KIF1B: variants seen among roughly 807,000 people sequenced by gnomAD.
KIF1B encodes the protein kinesin family member 1B.
A neutral mutation model predicts 241.9 loss-of-function variants in KIF1B; 76 were observed. That is an observed-to-expected ratio of 0.31 (90% CI 0.26 to 0.38). The LOEUF is 0.38. Ranked by LOEUF, KIF1B falls within the 10% of genes least tolerant of loss-of-function variation. KIF1B has a pLI of 1.00. For missense variants in KIF1B, 1,622 were observed against 2,271.4 expected (o/e 0.71, Z 5.81); for synonymous variants, 750 against 796.7 (o/e 0.94, Z 0.99).
intron 32 of KIF1B, 63 bp downstream of exon 32, chr1:10,339,922 G>C (rs1341214310): frequency 7.4e-7 from 1 of 1,348,418 alleles, no homozygotes; most frequent in African/African-American, 1.4e-5. Flanking sequence ...TTCTCAGCCC[G>C]GGAAGGGTGA....
intron 10 of KIF1B, among the ~76,000 whole-genome samples, chr1:10,274,096 C>A (rs1185522379): frequency 6.6e-6 from 1 of 151,864 alleles, no homozygotes; most frequent in Non-Finnish European, 1.5e-5. Context: ...GCCACCACCC[C>A]CGGCTAATTT....
chr1:10,318,064 T>TA (rs1157022178), intron 22 of KIF1B, among the ~76,000 whole-genome samples: 1 of 151,192 alleles, frequency 6.6e-6, no homozygotes, highest in East Asian at 1.9e-4. Context: ...CCAAGCCTCT[T>TA]ACCAGTTTAA....
At chr1:10,239,486 C>T (rs567149119) in intron 2 of KIF1B, among the ~76,000 whole-genome samples, 3 of 152,014 alleles carry the variant, frequency 2.0e-5, no homozygotes, top group Admixed American at 6.5e-5. Flanking sequence ...GGGTATATTA[C>T]AACTAGTTTT....
chr1:10,228,920 T>C (rs559105957), intron 1 of KIF1B, among the ~76,000 whole-genome samples: 1 of 152,326 alleles, frequency 6.6e-6, no homozygotes, highest in East Asian at 1.9e-4. Context: ...CCAACATTTA[T>C]GGTATCGGGG....
At chr1:10,281,033 T>G (rs1378080920) in intron 14 of KIF1B, among the ~76,000 whole-genome samples, 1 of 152,184 alleles carries the variant, frequency 6.6e-6, no homozygotes. Context: ...AAAAGATGCC[T>G]CTTTGCTTGT....
chr1:10,342,670 TG>T (rs763366734), intron 33 of KIF1B, among the ~76,000 whole-genome samples: 3 of 152,228 alleles, frequency 2.0e-5, no homozygotes, highest in Non-Finnish European at 2.9e-5. Flanking sequence ...CTCTATTATC[TG>T]GTATTATGCC....
At chr1:10,272,491 A>G in intron 9 of KIF1B, 185 bp downstream of exon 9, 1 of 674,562 alleles carries the variant, frequency 1.5e-6, no homozygotes, top group Non-Finnish European at 2.7e-6. Context: ...CTGAAAGTAA[A>G]AGATACTAAG....
chr1:10,313,841 T>C lies in KIF1B; in HGVS notation c.2116-6202T>C, dbSNP rs977782414. 1.1e-4 allele frequency among the ~76,000 whole-genome samples: 17 copies of C among 150,186 alleles called. 1 individual carries two copies. The highest frequency in any genetic ancestry group is 2.1e-4 in the Non-Finnish European group (14 of 67,720). On this transcript the variant is annotated intron_variant, in intron 22 of 48. Coordinates refer to ENST00000676179, the MANE Select transcript of KIF1B (RefSeq NM_001365951.3). ...TTGAGATTACAGGCGTGAGCCACCG[T>C]GCTTGGCCATTAGGATTTCTTATAA...
chr1:10,258,410 C>T, intron 3 of KIF1B, 83 bp from the exon 4 acceptor site: 1 of 1,407,816 alleles, frequency 7.1e-7, no homozygotes, highest in East Asian at 2.4e-5. Context: ...TGATTCCAGA[C>T]ACTTTTATTA....
At chr1:10,304,668 G>C (rs1249170172) in intron 22 of KIF1B, 5 of 1,613,020 alleles carry the variant, frequency 3.1e-6, no homozygotes, top group Non-Finnish European at 4.2e-6. Flanking sequence ...GGACAAACTT[G>C]AAATCATGGT....
At chr1:10,316,318 C>G (rs1381078379) in intron 22 of KIF1B, among the ~76,000 whole-genome samples, 1 of 151,482 alleles carries the variant, frequency 6.6e-6, no homozygotes, top group Non-Finnish European at 1.5e-5. Context: ...GTCAGTTTGT[C>G]CTATTATCAA....
At chr1:10,348,803 T>A in intron 37 of KIF1B, 70 bp downstream of exon 37, 1 of 1,096,824 alleles carries the variant, frequency 9.1e-7, no homozygotes, top group Non-Finnish European at 1.4e-6. Context: ...TGAGATAGGG[T>A]CTTGCTCTGT....
Position 10,321,738 on chromosome 1 carries a change from G to T in KIF1B, c.2239G>T (p.Ala747Ser). ...VPWTQHEFEL[A>S]QWAFRKWKSH... Reference sequence around the variant, plus strand: ...TTGGACACAGCATGAATTTGAGTTGGCCCAATGGGCCTTCCGGAAATGGAA... The same window carrying T: ...TTGGACACAGCATGAATTTGAGTTGTCCCAATGGGCCTTCCGGAAATGGAA... The change falls in exon 24 of 49, where the codon GCC becomes TCC. Residue 747 changes from alanine to serine, a missense_variant. Around this residue, in one of 7 missense-constraint regions of KIF1B, gnomAD observed 803 missense variants for 1,112.0 expected, o/e 0.72. Coordinates refer to ENST00000676179, the MANE Select transcript of KIF1B (RefSeq NM_001365951.3). The T allele has an allele frequency of 6.2e-7, 1 of 1,614,126 alleles. No individual in the cohort carries two copies. Among genetic ancestry groups the T allele is most frequent in the Non-Finnish European group, 8.5e-7 (1 of 1,179,980 alleles).
intron 22 of KIF1B, among the ~76,000 whole-genome samples, chr1:10,318,358 G>T (rs6693965): frequency 0.15 from 23,031 of 151,404 alleles, 2,351 homozygotes; most frequent in African/African-American, 0.22. Context: ...GCTCTGTTTG[G>T]AAACAGTGGA....
intron 4 of KIF1B, among the ~76,000 whole-genome samples, chr1:10,258,994 A>G (rs1226007685): frequency 2.6e-5 from 4 of 152,170 alleles, no homozygotes; most frequent in Admixed American, 2.6e-4. Context: ...ATGGGGGGAT[A>G]TTGTTGATCT....
intron 40 of KIF1B, 97 bp from the exon 41 acceptor site, chr1:10,363,186 C>A (rs1366499628): frequency 3.5e-6 from 3 of 858,282 alleles, no homozygotes; most frequent in East Asian, 2.5e-5. Context: ...ATATTTGAGT[C>A]CCTGCAGAGA....
At position 10,375,240 on chromosome 1, in the gene KIF1B, G is replaced by T; in HGVS notation, c.5290-15G>T. ...TCTGTAGTAACTTTCTTGTCTACCT[G>T]CATTTTTCTTTCAGACACCAAACAC... On this transcript the variant is annotated splice_polypyrimidine_tract_variant and intron_variant, in intron 47 of 48. Transcript: ENST00000676179. The T allele has an allele frequency of 6.2e-7, 1 of 1,605,926 alleles. No individual in the cohort carries two copies. The highest frequency in any genetic ancestry group is 1.1e-5 in the South Asian group (1 of 90,924).
At chr1:10,306,626 C>T (rs1419582533) in intron 22 of KIF1B, 11 of 538,372 alleles carry the variant, frequency 2.0e-5, no homozygotes, top group Non-Finnish European at 2.5e-5. Context: ...CACAAACTTG[C>T]ATCAGGACGG....
intron 38 of KIF1B, among the ~76,000 whole-genome samples, chr1:10,360,450 C>T (rs544929790): frequency 2.0e-5 from 3 of 151,962 alleles, no homozygotes; most frequent in East Asian, 1.9e-4. Context: ...TTTGGGAGGC[C>T]GAGGTGGGCA....
Sources: gnomAD v4.1 joint callset for allele counts (sites outside exome capture counted in the v4.1 genomes callset) on GRCh38, gnomAD v4.1.1 for gene constraint, gnomAD v4.1.1 regional missense constraint, MANE v1.5 for transcripts, NCBI Gene and HGNC (gene_info 2026-07-23, HGNC 2026-07-21) for gene names.